The following SCAF11 variants were observed in gnomAD, a reference collection of about 807,000 sequenced individuals.
SCAF11 encodes SR-related CTD associated factor 11, also known as protein SCAF11.
Under a neutral mutation model 140.5 loss-of-function variants are expected in SCAF11, and 47 were observed. That is an observed-to-expected ratio of 0.33 (90% CI 0.26 to 0.43). SCAF11 has a LOEUF of 0.43. Ranked by LOEUF, SCAF11 falls within the 20% of genes least tolerant of loss-of-function variation. The pLI, the probability that SCAF11 is intolerant of heterozygous loss-of-function variation, is 1.00. For synonymous variants in SCAF11, 557 were observed against 579.4 expected (o/e 0.96, Z 0.55); for missense variants, 1,645 against 1,705.1 (o/e 0.96, Z 0.62).
chr12:45,959,424 T>C (rs1478842998), intron 3 of SCAF11, among the ~76,000 whole-genome samples: 2 of 152,184 alleles, frequency 1.3e-5, no homozygotes, highest in East Asian at 3.8e-4. Flanking sequence ...ACATAGTGAA[T>C]TAAATGAAAT....
intron 6 of SCAF11, among the ~76,000 whole-genome samples, chr12:45,938,010 A>G (rs1321131068): frequency 6.6e-6 from 1 of 152,176 alleles, no homozygotes; most frequent in African/African-American, 2.4e-5. Context: ...CTAAGGTTTG[A>G]TGGTATGTGT....
intron 5 of SCAF11, 128 bp from the exon 6 acceptor site, chr12:45,945,441 TC>T (rs1426502826): frequency 3.3e-6 from 2 of 609,244 alleles, no homozygotes; most frequent in African/African-American, 3.8e-5. Flanking sequence ...TATGCTGAAA[TC>T]TGGTAAATGG....
At chr12:45,940,042 T>C (rs533945683) in intron 6 of SCAF11, among the ~76,000 whole-genome samples, 34 of 152,328 alleles carry the variant, frequency 2.2e-4, no homozygotes, top group African/African-American at 8.2e-4. Context: ...GCCCCTAAAC[T>C]TTGCAATAAT....
At chr12:45,988,593 T>TA (rs1315570487) in intron 1 of SCAF11, among the ~76,000 whole-genome samples, 18 of 152,198 alleles carry the variant, frequency 1.2e-4, no homozygotes, top group Non-Finnish European at 2.1e-4. Context: ...CAGAAAAAAT[T>TA]AAAAAATTAT....
At chr12:45,937,832 C>G (rs756819768) in intron 6 of SCAF11, among the ~76,000 whole-genome samples, 6 of 152,158 alleles carry the variant, frequency 3.9e-5, no homozygotes, top group Non-Finnish European at 7.3e-5. Context: ...AAATCTGGTT[C>G]AAATACTCAT....
chr12:45,974,632 T>A (rs532854156), intron 1 of SCAF11: 1 of 186,720 alleles, frequency 5.4e-6, no homozygotes, highest in South Asian at 1.0e-4. Context: ...AATTCAGTCA[T>A]GTCTTCAGGC....
At chr12:45,979,393 T>C (rs1946302887) in intron 1 of SCAF11, among the ~76,000 whole-genome samples, 1 of 152,024 alleles carries the variant, frequency 6.6e-6, no homozygotes, top group Non-Finnish European at 1.5e-5. Context: ...AAAATGAGAA[T>C]GGATTTAATA....
intron 5 of SCAF11, among the ~76,000 whole-genome samples, chr12:45,946,613 G>A (rs1255221227): frequency 6.6e-6 from 1 of 150,716 alleles, no homozygotes; most frequent in Non-Finnish European, 1.5e-5. Flanking sequence ...CTTGGCAAGA[G>A]CCAAGAGAAT....
intron 3 of SCAF11, among the ~76,000 whole-genome samples, chr12:45,956,958 G>GT (rs1945704616): frequency 1.3e-5 from 2 of 152,114 alleles, no homozygotes; most frequent in African/African-American, 2.4e-5. Flanking sequence ...AATTCACAGG[G>GT]TGAAAATAGT....
chr12:45,973,103 A>G (rs1486960519), intron 1 of SCAF11, among the ~76,000 whole-genome samples: 1 of 149,872 alleles, frequency 6.7e-6, no homozygotes, highest in Non-Finnish European at 1.5e-5. Context: ...AAAAGATCAC[A>G]GCAAACAAAC....
chr12:45,972,862 A>C (rs1361415139), intron 1 of SCAF11, among the ~76,000 whole-genome samples: 3 of 120,438 alleles, frequency 2.5e-5, no homozygotes, highest in South Asian at 2.6e-4. Flanking sequence ...ATATATATAT[A>C]TCGATATATA....
In SCAF11 at chr12:45,928,675, G is replaced by A. The variant is rs181836869; in HGVS notation, c.1026C>T (p.Asp342=). ...ASQSQRSPIS[D]NSGCDAPGNS... is the part of the protein sequence containing the mutation. ...TACCTGGGGCATCACACCCAGAATT[G>A]TCTGATATTGGGGATCTCTGAGACT... Residue 342 remains aspartate, a synonymous_variant, in exon 11 of 15, where the codon GAC becomes GAT. Transcript: ENST00000369367. 2.3e-5 allele frequency: 37 copies of A among 1,614,048 alleles called. No individual in the cohort carries two copies. The East Asian group carries it at 7.1e-4, about 31-fold the overall frequency.
rs1002645906 is a variant in SCAF11 at position 45,961,804 on chromosome 12, C to T, written c.115G>A (p.Asp39Asn). 7 of 1,613,048 alleles carry T rather than the reference C, an allele frequency of 4.3e-6. No individual in the cohort carries two copies. In the African/African-American group the frequency reaches 8.0e-5, roughly 18 times the overall value. ...ISTGLLYSEA[D>N]RCPICLNCLL... ...CAATTAAGACATATTGGGCATCTGT[C>T]AGCCTCACTGTACAACAGACCAGTG... Residue 39 changes from aspartate to asparagine, a missense_variant, in exon 3 of 15, where the codon GAC becomes AAC. Around this residue, in one of 2 missense-constraint regions of SCAF11, gnomAD observed 1,582 missense variants for 1,609.2 expected, o/e 0.98. Transcript: ENST00000369367.
intron 2 of SCAF11, 109 bp downstream of exon 2, chr12:45,963,998 A>C: frequency 1.6e-6 from 1 of 630,164 alleles, no homozygotes; most frequent in Non-Finnish European, 2.8e-6. Flanking sequence ...GGAATTTAAG[A>C]ACAACAATAA....
chr12:45,934,209 G>C lies in SCAF11; in HGVS notation c.599C>G (p.Ser200Cys), dbSNP rs1221933447. Residue 200 changes from serine to cysteine, a missense_variant, in exon 8 of 15, where the codon TCT becomes TGT. Physicochemically the swap from Ser to Cys is moderately radical, Grantham distance 112. Coordinates refer to ENST00000369367, the MANE Select transcript of SCAF11 (RefSeq NM_004719.3). ...TCTATAGGTAAAGGAAGATTCTCCA[G>C]AGTGGCTAACAGAAGAAAACATATT... ...FSNMFSSVSH[S>C]GESSFTYRAY... The C allele has an allele frequency of 6.2e-7, 1 of 1,607,232 alleles. No homozygotes were observed. Among genetic ancestry groups the C allele is most frequent in the South Asian group, 1.1e-5 (1 of 90,496 alleles).
At chr12:45,946,287 T>C (rs550719311) in intron 5 of SCAF11, among the ~76,000 whole-genome samples, 12 of 152,166 alleles carry the variant, frequency 7.9e-5, no homozygotes, top group African/African-American at 2.2e-4. Flanking sequence ...AGAGGCAAAA[T>C]TGAATGAAGT....
chr12:45,953,481 C>T (rs1945598484), intron 3 of SCAF11, among the ~76,000 whole-genome samples: 1 of 152,140 alleles, frequency 6.6e-6, no homozygotes, highest in South Asian at 2.1e-4. Context: ...GAGTTCGAGG[C>T]TGTAGTAAGC....
At chr12:45,943,975 G>A (rs1355737316) in intron 6 of SCAF11, among the ~76,000 whole-genome samples, 4 of 152,012 alleles carry the variant, frequency 2.6e-5, no homozygotes, top group African/African-American at 7.2e-5. Context: ...TTACTATACT[G>A]AAGCATATGG....
intron 9 of SCAF11, 80 bp from the exon 10 acceptor site, chr12:45,931,692 T>G (rs1945048596): frequency 1.4e-6 from 1 of 716,244 alleles, no homozygotes; most frequent in Admixed American, 3.8e-5. Context: ...ATTCTCTAAA[T>G]CAGGTTAGCA....
Sources: gnomAD v4.1 joint callset for allele counts (sites outside exome capture counted in the v4.1 genomes callset) on GRCh38, gnomAD v4.1.1 for gene constraint, gnomAD v4.1.1 regional missense constraint, MANE v1.5 for transcripts, NCBI Gene and HGNC (gene_info 2026-07-23, HGNC 2026-07-21) for gene names.